The following MAP4K2 variants were observed in gnomAD, a reference collection of about 807,000 sequenced individuals.
The protein encoded by MAP4K2 is mitogen-activated protein kinase kinase kinase kinase 2.
Under a neutral mutation model 125.3 loss-of-function variants are expected in MAP4K2, and 85 were observed. That is an observed-to-expected ratio of 0.68 (90% CI 0.57 to 0.81). The LOEUF (loss-of-function observed/expected upper bound fraction) is 0.81. MAP4K2 is among the 40% of genes least tolerant of loss of function. MAP4K2 has a pLI of 0.00. For synonymous variants in MAP4K2, 479 were observed against 445.1 expected, an observed-to-expected ratio of 1.08 and a Z score of -0.96; for missense variants, 923 against 1,056.4, an observed-to-expected ratio of 0.87 and a Z score of 1.75.
At chr11:64,795,313 ACCTCATGATCCGC>A in intron 24 of MAP4K2, among the ~76,000 whole-genome samples, 1 of 151,704 alleles carries the variant, frequency 6.6e-6, no homozygotes, top group East Asian at 1.9e-4. Flanking sequence ...TAAACTCCTG[ACCTCATGATCCGC>A]CCACCTCGGC....
At chr11:64,802,264 G>GA (rs1941243277) in intron 4 of MAP4K2, 143 bp from the exon 5 acceptor site, 1 of 1,072,266 alleles carries the variant, frequency 9.3e-7, no homozygotes, top group African/African-American at 1.6e-5. Flanking sequence ...CTAGGATACT[G>GA]AACCCAGAGA....
chr11:64,792,163 G>A lies in MAP4K2; in HGVS notation c.1914+9C>T, dbSNP rs776106714. 1.9e-5 allele frequency: 30 copies of A among 1,603,014 alleles called. No homozygotes were observed. The highest frequency in any genetic ancestry group is 1.7e-4 in the African/African-American group (13 of 74,696). The stretch of plus-strand genomic sequence containing the variant: ...AGGGTGCCCTGGGCCTCCCCCCACC[G>A]CCCCTCACCTTCAGCAGCAGAAACT... On this transcript the variant is annotated intron_variant, in intron 26 of 31. Coordinates refer to ENST00000294066, the MANE Select transcript of MAP4K2 (RefSeq NM_004579.5).
intron 24 of MAP4K2, among the ~76,000 whole-genome samples, chr11:64,793,369 G>C (rs1940614902): frequency 6.6e-6 from 1 of 152,186 alleles, no homozygotes; most frequent in African/African-American, 2.4e-5. Flanking sequence ...AACTTCAAAA[G>C]GCAAATGGCC....
rs1480689150 is a variant in MAP4K2, at chr11:64,789,501, G to T, written c.*36C>A. The T allele has an allele frequency of 6.5e-7, 1 of 1,541,492 alleles. No homozygotes were observed. The highest frequency in any genetic ancestry group is 8.8e-7 in the Non-Finnish European group (1 of 1,136,682). On this transcript the variant is annotated 3_prime_UTR_variant, in exon 32 of 32. Transcript: ENST00000294066. ...AAAAGGGCCTGCAGCTAAGGCGTGGGGTGGGGCGGGGAGCCCCTGGACAGG... is the reference window on the plus strand; with the variant it reads ...AAAAGGGCCTGCAGCTAAGGCGTGGTGTGGGGCGGGGAGCCCCTGGACAGG...
chr11:64,790,141 T>C (rs1243444805), intron 29 of MAP4K2, 47 bp downstream of exon 29: 1 of 1,605,882 alleles, frequency 6.2e-7, no homozygotes, highest in East Asian at 2.2e-5. Flanking sequence ...AGCAACAACG[T>C]GCTCCAGGCC....
At position 64,798,738 on chromosome 11, in the gene MAP4K2, G is replaced by A; in HGVS notation, c.1097+56C>T. 3 of 1,599,040 alleles carry A rather than the reference G, an allele frequency of 1.9e-6. No homozygotes were observed. The South Asian group carries it at 3.3e-5, about 18-fold the overall frequency. ...GCATGAGCCACCACGCCCGGTCAGA[G>A]GTCAGCCTTTCTGCCGCCCCTGCCA... On this transcript the variant is annotated intron_variant, in intron 15 of 31. Transcript: ENST00000294066.
chr11:64,803,188 AGCTGCGGAGCCGGCGCGG>A lies in MAP4K2; in HGVS notation c.-57_-40del, dbSNP rs1233838997. 2.1e-6 allele frequency: 2 copies of A among 958,570 alleles called. No individual in the cohort carries two copies. The highest frequency in any genetic ancestry group is 3.6e-5 in the African/African-American group (2 of 55,810). The allele number at this position is 958,570 out of a possible 1,614,324, so 59.4% of individuals were successfully genotyped here. A position where few individuals can be genotyped will look rare whatever the true frequency, so the allele number is the denominator to read the frequency against. On this transcript the variant is annotated 5_prime_UTR_variant, in exon 1 of 32. Coordinates refer to ENST00000294066, the MANE Select transcript of MAP4K2 (RefSeq NM_004579.5). The stretch of plus-strand genomic sequence containing the variant: ...GCGGGCCGGCAGGCGGGCGGGCGCG[AGCTGCGGAGCCGGCGCGG>A]GGCGGCGCGGGGCGGGGCGGGCGCC...
Position 64,803,051 on chromosome 11 carries a change from C to A in MAP4K2, c.96+3G>T. ...CCCGGCTCTCCCGCCCGTCCCGTCG[C>A]ACCTTGTAGACGTCGCCATAGGTCC... On this transcript the variant is annotated splice_donor_region_variant and intron_variant, in intron 1 of 31. Coordinates refer to ENST00000294066, the MANE Select transcript of MAP4K2 (RefSeq NM_004579.5). 1 of 1,604,308 alleles carries A rather than the reference C, an allele frequency of 6.2e-7. No homozygotes were observed. Among genetic ancestry groups the A allele is most frequent in the Non-Finnish European group, 8.5e-7 (1 of 1,178,122 alleles).
chr11:64,797,514 G>T lies in MAP4K2; in HGVS notation c.1157C>A (p.Ala386Asp). ...TCTGTGTGGCACCTGGAATTCTGAG[G>T]CTGACCGAATAGTCAGACTCCTGTG... ...LEERSLTIRS[A>D]SEFQELDSPD... The change falls in exon 17 of 32, where the codon GCC becomes GAC. Residue 386 changes from alanine (A) to aspartate (D), a missense_variant. Transcript: ENST00000294066. The T allele has an allele frequency of 6.4e-7, 1 of 1,567,628 alleles. No individual in the cohort carries two copies. The highest frequency in any genetic ancestry group is 1.2e-5 in the South Asian group (1 of 85,260).
chr11:64,792,516 C>T, intron 24 of MAP4K2, 94 bp from the exon 25 acceptor site: 2 of 1,026,820 alleles, frequency 1.9e-6, no homozygotes, highest in South Asian at 2.8e-5. Flanking sequence ...CAGCTTCCCT[C>T]TTTACAAGTA....
chr11:64,803,181 G>C lies in MAP4K2; in HGVS notation c.-32C>G. 1 of 1,058,830 alleles carries C rather than the reference G, an allele frequency of 9.4e-7. No homozygotes were observed. The highest frequency in any genetic ancestry group is 1.2e-6 in the Non-Finnish European group (1 of 866,692). 65.6% of individuals were successfully genotyped at this position (1,058,830 alleles called of 1,614,324 possible). A position where few individuals can be genotyped will look rare whatever the true frequency, so the allele number is the denominator to read the frequency against. ...GCGCCGGGCGGGCCGGCAGGCGGGCGGGCGCGAGCTGCGGAGCCGGCGCGG... is the reference window on the plus strand; with the variant it reads ...GCGCCGGGCGGGCCGGCAGGCGGGCCGGCGCGAGCTGCGGAGCCGGCGCGG... On this transcript the variant is annotated 5_prime_UTR_variant, in exon 1 of 32. Coordinates refer to ENST00000294066, the MANE Select transcript of MAP4K2 (RefSeq NM_004579.5).
At chr11:64,800,501 G>T in intron 10 of MAP4K2, 109 bp from the exon 11 acceptor site, 1 of 1,305,386 alleles carries the variant, frequency 7.7e-7, no homozygotes, top group Non-Finnish European at 1.1e-6. Context: ...GCCCACCCAG[G>T]AAGGAGCCAG....
chr11:64,802,190 G>A (rs899138024), intron 4 of MAP4K2, 69 bp from the exon 5 acceptor site: 73 of 1,438,406 alleles, frequency 5.1e-5, no homozygotes, highest in Non-Finnish European at 7.0e-5. Flanking sequence ...GCTACCGTGT[G>A]TGGGAAAAGC....
rs1237493849 is a variant in MAP4K2 at position 64,786,897 on chromosome 11, C to T, written c.*2640G>A. ...AACATACACAATGGAATACCACTAG[C>T]TGTAAAAAAAAAAAAATTTTTTTTT... is the stretch of plus-strand genomic sequence containing the variant. On this transcript the variant is annotated 3_prime_UTR_variant, in exon 32 of 32. Coordinates refer to ENST00000294066, the MANE Select transcript of MAP4K2 (RefSeq NM_004579.5). 2.1e-5 allele frequency: 3 copies of T among 145,662 alleles called. No homozygotes were observed. Among genetic ancestry groups the T allele is most frequent in the Non-Finnish European group, 4.5e-5 (3 of 67,394 alleles). The allele number at this position is 145,662 out of a possible 1,614,324, so 9.0% of individuals were successfully genotyped here. A position where few individuals can be genotyped will look rare whatever the true frequency, so the allele number is the denominator to read the frequency against.
chr11:64,801,200 C>T lies in MAP4K2; in HGVS notation c.458-17G>A. The stretch of plus-strand genomic sequence containing the variant: ...CAAAGTCAGCTGTGGGGAGAAACAG[C>T]CACTCTCACCAGCCCTCTGGCTGCC... On this transcript the variant is annotated splice_polypyrimidine_tract_variant and intron_variant, in intron 7 of 31. Transcript: ENST00000294066. 1 of 1,609,766 alleles carries T rather than the reference C, an allele frequency of 6.2e-7. No individual in the cohort carries two copies. The highest frequency in any genetic ancestry group is 8.5e-7 in the Non-Finnish European group (1 of 1,178,986).
At chr11:64,795,361 C>A (rs1385743023) in intron 24 of MAP4K2, among the ~76,000 whole-genome samples, 1 of 152,048 alleles carries the variant, frequency 6.6e-6, no homozygotes, top group East Asian at 1.9e-4. Flanking sequence ...GGATTATAGG[C>A]CTGAGCCACT....
chr11:64,802,700 G>T, intron 2 of MAP4K2, 47 bp from the exon 3 acceptor site: 1 of 1,572,552 alleles, frequency 6.4e-7, no homozygotes, highest in South Asian at 1.1e-5. Flanking sequence ...GGGTTGCCCT[G>T]ACTCAGTGCC....
Position 64,797,255 on chromosome 11 carries a change from C to T in MAP4K2, c.1276+20G>A, listed in dbSNP as rs1940867297. 2 of 1,598,918 alleles carry T rather than the reference C, an allele frequency of 1.3e-6. No homozygotes were observed. Among genetic ancestry groups the T allele is most frequent in the South Asian group, 2.2e-5 (2 of 88,986 alleles). On this transcript the variant is annotated intron_variant, in intron 18 of 31. Coordinates refer to ENST00000294066, the MANE Select transcript of MAP4K2 (RefSeq NM_004579.5). ...CCCCACCCTGGGGCTGCCTCCTGGC[C>T]TCCCAAGCCTGAGACTCACCTGGGG... is the stretch of plus-strand genomic sequence containing the variant.
chr11:64,786,842 C>T lies in MAP4K2; in HGVS notation c.*2695G>A, dbSNP rs954692752. The T allele has an allele frequency of 1.6e-4, 25 of 151,760 alleles. No homozygotes were observed. Among genetic ancestry groups the T allele is most frequent in the African/African-American group, 5.6e-4 (23 of 41,264 alleles). The allele number at this position is 151,760 out of a possible 1,614,324, so 9.4% of individuals were successfully genotyped here. The stretch of plus-strand genomic sequence containing the variant: ...CTCAAATTTCCACCAATAGGGATCT[C>T]ACTGCAGGTCATTAACATTTGTTAT... On this transcript the variant is annotated 3_prime_UTR_variant, in exon 32 of 32. Transcript: ENST00000294066.
Sources: allele counts gnomAD v4.1 joint callset (sites outside exome capture counted in the v4.1 genomes callset), GRCh38; gene constraint gnomAD v4.1.1; transcripts MANE v1.5; gene names NCBI Gene and HGNC (gene_info 2026-07-23, HGNC 2026-07-21).